SLF1: variants seen among roughly 807,000 people sequenced by gnomAD.
The protein encoded by SLF1 is SMC5-SMC6 complex localization factor protein 1.
In SLF1, 105 loss-of-function variants were observed where a neutral mutation model predicts 123.0. The observed-to-expected ratio is 0.85, with a 90% confidence interval of 0.73 to 1.00. The LOEUF (loss-of-function observed/expected upper bound fraction) is 1.00, where lower values mean the gene tolerates loss of function less well. SLF1 is among the 50% of genes least tolerant of loss of function. SLF1 has a pLI of 0.00. For missense variants in SLF1, 1,239 were observed against 1,223.0 expected (o/e 1.01, Z -0.20); for synonymous variants, 434 against 406.6 (o/e 1.07, Z -0.81).
intron 4 of SLF1, among the ~76,000 whole-genome samples, chr5:94,639,559 G>T (rs999960633): frequency 2.0e-5 from 3 of 152,040 alleles, no homozygotes; most frequent in Non-Finnish European, 2.9e-5. Context: ...GTTGACAGTT[G>T]AACAATGTGG....
At chr5:94,637,349 A>G (rs901739565) in intron 4 of SLF1, among the ~76,000 whole-genome samples, 1 of 151,914 alleles carries the variant, frequency 6.6e-6, no homozygotes, top group South Asian at 2.1e-4. Flanking sequence ...GATTTTGGAG[A>G]GGGGATTGTG....
In SLF1 at chr5:94,663,888, C is replaced by T; in HGVS notation, c.1348C>T (p.Leu450Phe). 2.6e-6 allele frequency: 4 copies of T among 1,536,566 alleles called. No homozygotes were observed. The highest frequency in any genetic ancestry group is 2.6e-6 in the Non-Finnish European group (3 of 1,142,518). The part of the protein sequence containing the change: ...YIPPVCVLHA[L>F]LENVLQDNID... ...CCCTCCTGTATGCGTTCTTCATGCC[C>T]TTCTAGAGAACGTTCTACAGGTAAG... is the stretch of plus-strand genomic sequence containing the variant. Residue 450 changes from leucine to phenylalanine, a missense_variant, in exon 11 of 21, where the codon CTT becomes TTT. Transcript: ENST00000265140.
chr5:94,644,707 T>C (rs1746815396), intron 5 of SLF1, among the ~76,000 whole-genome samples: 1 of 152,184 alleles, frequency 6.6e-6, no homozygotes, highest in South Asian at 2.1e-4. Flanking sequence ...GCCTCCTTGA[T>C]CCCCTTACTC....
intron 9 of SLF1, among the ~76,000 whole-genome samples, chr5:94,660,417 T>C (rs1748948759): frequency 6.6e-6 from 1 of 151,134 alleles, no homozygotes; most frequent in Non-Finnish European, 1.5e-5. Context: ...GCACCAGGAG[T>C]GGTGGACAGG....
intron 1 of SLF1, among the ~76,000 whole-genome samples, chr5:94,627,337 T>A (rs2152464997): frequency 6.6e-6 from 1 of 152,116 alleles, no homozygotes; most frequent in Non-Finnish European, 1.5e-5. Flanking sequence ...TTTGCTTGTC[T>A]GTGGAAAGAT....
intron 7 of SLF1, among the ~76,000 whole-genome samples, chr5:94,652,738 G>A (rs1472971096): frequency 6.6e-6 from 1 of 152,142 alleles, no homozygotes; most frequent in Non-Finnish European, 1.5e-5. Flanking sequence ...GAGTTGCTGG[G>A]TCATAAGGAG....
intron 18 of SLF1, chr5:94,691,227 T>G: frequency 4.6e-6 from 1 of 218,162 alleles, no homozygotes; most frequent in Non-Finnish European, 9.0e-6. Context: ...AAACCCAGTA[T>G]TTTTGGTGTT....
chr5:94,640,004 A>G (rs1321449934), intron 4 of SLF1, among the ~76,000 whole-genome samples: 1 of 152,144 alleles, frequency 6.6e-6, no homozygotes, highest in Non-Finnish European at 1.5e-5. Flanking sequence ...CATTGGTAAT[A>G]TTTTACTTTT....
intron 9 of SLF1, among the ~76,000 whole-genome samples, chr5:94,657,309 C>T (rs1748521889): frequency 6.6e-6 from 1 of 151,956 alleles, no homozygotes; most frequent in Non-Finnish European, 1.5e-5. Flanking sequence ...ATCCAATGGT[C>T]GTTTAGGAAC....
At chr5:94,653,546 AG>A in intron 8 of SLF1, 125 bp downstream of exon 8, 1 of 800,486 alleles carries the variant, frequency 1.2e-6, no homozygotes, top group Non-Finnish European at 1.8e-6. Context: ...TAATATTCAT[AG>A]TTAATATTCC....
intron 1 of SLF1, among the ~76,000 whole-genome samples, chr5:94,619,877 CCTTCCTTTGCTTT>C (rs1401681112): frequency 1.3e-5 from 2 of 152,064 alleles, no homozygotes; most frequent in African/African-American, 4.8e-5. Flanking sequence ...ACCTTTCCTT[CCTTCCTTTGCTTT>C]CTTTCTTTCT....
intron 8 of SLF1, 89 bp from the exon 9 acceptor site, chr5:94,654,541 G>A: frequency 9.9e-7 from 1 of 1,006,288 alleles, no homozygotes; most frequent in Non-Finnish European, 1.3e-6. Context: ...GTATGAATGT[G>A]TTCCTCTTAT....
intron 15 of SLF1, among the ~76,000 whole-genome samples, chr5:94,681,256 A>G (rs1169682276): frequency 6.6e-6 from 1 of 151,952 alleles, no homozygotes; most frequent in Non-Finnish European, 1.5e-5. Context: ...CAGCCTCCCA[A>G]GTAGCTGGGG....
chr5:94,688,396 T>G, intron 16 of SLF1, 110 bp from the exon 17 acceptor site: 1 of 1,127,112 alleles, frequency 8.9e-7, no homozygotes, highest in East Asian at 2.6e-5. Flanking sequence ...GCAACCATAG[T>G]GATGCAACCA....
chr5:94,626,350 A>G (rs991470954), intron 1 of SLF1, among the ~76,000 whole-genome samples: 1 of 152,108 alleles, frequency 6.6e-6, no homozygotes, highest in Non-Finnish European at 1.5e-5. Flanking sequence ...TTTCGTGTAT[A>G]TGATTAATTT....
intron 9 of SLF1, among the ~76,000 whole-genome samples, chr5:94,658,536 C>T (rs962175927): frequency 6.6e-6 from 1 of 151,682 alleles, no homozygotes. Flanking sequence ...CTGTTGTCAC[C>T]CTGATTGGGA....
Position 94,695,037 on chromosome 5 carries a change from T to TC in SLF1, c.2903dup (p.Ile969AsnfsTer3). The TC allele has an allele frequency of 1.2e-6, 2 of 1,612,436 alleles. No individual in the cohort carries two copies. The highest frequency in any genetic ancestry group is 1.7e-6 in the Non-Finnish European group (2 of 1,179,142). ...TAGTAGGATGTTGCTAAATTTTTGT[T>TC]CAATTTTTGATTTATCTTCAGAGTT... is the stretch of plus-strand genomic sequence containing the variant. On this transcript the variant is annotated frameshift_variant, in exon 21 of 21. Transcript: ENST00000265140. LOFTEE classifies it high-confidence loss of function.
At chr5:94,638,695 G>A (rs1220480591) in intron 4 of SLF1, among the ~76,000 whole-genome samples, 1 of 152,204 alleles carries the variant, frequency 6.6e-6, no homozygotes, top group East Asian at 1.9e-4. Flanking sequence ...AGGGAGAGGT[G>A]TGATGGGTCA....
intron 15 of SLF1, among the ~76,000 whole-genome samples, chr5:94,681,224 G>A (rs1348736776): frequency 2.0e-5 from 3 of 151,914 alleles, no homozygotes; most frequent in East Asian, 1.9e-4. Flanking sequence ...CTGCCTCCCC[G>A]GTTCAAGCAA....
Sources: gnomAD v4.1 joint callset for allele counts (sites outside exome capture counted in the v4.1 genomes callset) on GRCh38, gnomAD v4.1.1 for gene constraint, MANE v1.5 for transcripts, NCBI Gene and HGNC (gene_info 2026-07-23, HGNC 2026-07-21) for gene names.